The following PPARGC1A variants were observed in gnomAD, a reference collection of about 807,000 sequenced individuals.
PPARGC1A encodes PPARG coactivator 1 alpha, also known as peroxisome proliferator-activated receptor gamma coactivator 1-alpha.
PPARGC1A carries 25 observed loss-of-function variants against 88.7 expected under a neutral mutation model. The observed-to-expected ratio is 0.28, with a 90% CI of 0.21 to 0.39. PPARGC1A has a LOEUF of 0.39. PPARGC1A is among the 10% of genes least tolerant of loss of function. The pLI is 1.00. For synonymous variants in PPARGC1A, 363 were observed against 355.6 expected (o/e 1.02, Z -0.24); for missense variants, 880 against 968.7 (o/e 0.91, Z 1.22).
At chr4:23,972,488 C>T in the PPARGC1A span, among the ~76,000 whole-genome samples, 3 of 152,144 alleles carry the variant, frequency 2.0e-5, no homozygotes, top group Admixed American at 1.3e-4. Flanking sequence ...TAGTTTAACA[C>T]GTCCTTGATG....
the PPARGC1A span, among the ~76,000 whole-genome samples, chr4:24,427,472 G>C: frequency 1.3e-5 from 2 of 151,958 alleles, no homozygotes; most frequent in Admixed American, 6.5e-5. Flanking sequence ...GTAGAGAGGG[G>C]TTCCACCATG....
chr4:23,872,731 C>A (rs190000163), intron 2 of PPARGC1A, among the ~76,000 whole-genome samples: 36 of 152,184 alleles, frequency 2.4e-4, no homozygotes, highest in African/African-American at 8.7e-4. Context: ...CTGTATCCCC[C>A]TAAAATGGCC....
chr4:24,208,929 G>T, the PPARGC1A span, among the ~76,000 whole-genome samples: 1 of 151,922 alleles, frequency 6.6e-6, no homozygotes, highest in Non-Finnish European at 1.5e-5. Flanking sequence ...GAGGTAGAGG[G>T]AATTGTTCAA....
At chr4:24,264,096 TAAG>T in the PPARGC1A span, among the ~76,000 whole-genome samples, 8 of 152,064 alleles carry the variant, frequency 5.3e-5, no homozygotes, top group Non-Finnish European at 1.2e-4. Flanking sequence ...TACCTTATTG[TAAG>T]AATAAAGTAT....
the PPARGC1A span, among the ~76,000 whole-genome samples, chr4:24,154,799 T>C: frequency 2.0e-5 from 3 of 152,170 alleles, no homozygotes; most frequent in Admixed American, 2.0e-4. Context: ...GAGACGCAGA[T>C]GTAAAAACCA....
the PPARGC1A span, among the ~76,000 whole-genome samples, chr4:23,984,101 A>G: frequency 6.6e-6 from 1 of 152,082 alleles, no homozygotes; most frequent in African/African-American, 2.4e-5. Context: ...TTAGATTACA[A>G]AGTTATTATG....
chr4:23,898,211 G>A lies in PPARGC1A; in HGVS notation n.52+1056C>T, dbSNP rs1317098874. On this transcript the variant is annotated intron_variant and non_coding_transcript_variant, in intron 1 of 3. Coordinates refer to the PPARGC1A transcript ENST00000507342. ...ATATTCATGTAGGGTGTGGAGGGAGGAAAAAAGGTCATATGCCTAATATTT... is the reference window on the plus strand; with the variant it reads ...ATATTCATGTAGGGTGTGGAGGGAGAAAAAAAGGTCATATGCCTAATATTT... Among the ~76,000 whole-genome samples, 4 of 151,982 alleles carry A rather than the reference G, an allele frequency of 2.6e-5. No individual in the cohort carries two copies. In the East Asian group the frequency reaches 5.8e-4, roughly 22 times the overall value.
At chr4:24,444,772 G>C in the PPARGC1A span, among the ~76,000 whole-genome samples, 2 of 152,142 alleles carry the variant, frequency 1.3e-5, no homozygotes, top group Non-Finnish European at 2.9e-5. Context: ...AGAACAAAGA[G>C]ACAAAAGCCA....
chr4:24,304,684 C>T, the PPARGC1A span, among the ~76,000 whole-genome samples: 2 of 152,048 alleles, frequency 1.3e-5, no homozygotes, highest in African/African-American at 4.8e-5. Flanking sequence ...GTTTCACTGA[C>T]CGAATCAGGA....
upstream of PPARGC1A, among the ~76,000 whole-genome samples, chr4:23,905,143 C>T (rs1273352585): frequency 6.6e-6 from 1 of 152,154 alleles, no homozygotes; most frequent in African/African-American, 2.4e-5. Flanking sequence ...AGCAGCTTCC[C>T]ATTTTGAAAT....
chr4:24,242,914 T>C, the PPARGC1A span, among the ~76,000 whole-genome samples: 4 of 152,146 alleles, frequency 2.6e-5, no homozygotes, highest in African/African-American at 9.7e-5. Flanking sequence ...GAAAACAGTC[T>C]GTTTATTGGG....
At chr4:23,825,718 T>C (rs534745219) in intron 5 of PPARGC1A, among the ~76,000 whole-genome samples, 4 of 108,944 alleles carry the variant, frequency 3.7e-5, no homozygotes, top group African/African-American at 1.1e-4. Flanking sequence ...ATAAATAGTA[T>C]TTGCATATTT....
At chr4:23,830,727 T>C (rs1185223393) in intron 3 of PPARGC1A, among the ~76,000 whole-genome samples, 1 of 152,212 alleles carries the variant, frequency 6.6e-6, no homozygotes, top group Admixed American at 6.5e-5. Flanking sequence ...CATGTCCTTA[T>C]GTCTGATTTT....
chr4:24,178,403 T>C, the PPARGC1A span, among the ~76,000 whole-genome samples: 7 of 152,178 alleles, frequency 4.6e-5, no homozygotes, highest in Non-Finnish European at 8.8e-5. Flanking sequence ...GTTACTCAAA[T>C]GACATCATAA....
chr4:24,392,446 T>G, the PPARGC1A span, among the ~76,000 whole-genome samples: 1 of 152,106 alleles, frequency 6.6e-6, no homozygotes, highest in Non-Finnish European at 1.5e-5. Flanking sequence ...TCTTGAAAAA[T>G]ATACTGTGAA....
chr4:24,089,428 C>T, the PPARGC1A span, among the ~76,000 whole-genome samples: 1 of 152,070 alleles, frequency 6.6e-6, no homozygotes, highest in Non-Finnish European at 1.5e-5. Flanking sequence ...ACATACTTTC[C>T]ACCCAATGCC....
chr4:24,391,192 C>T, the PPARGC1A span, among the ~76,000 whole-genome samples: 1,367 of 152,216 alleles, frequency 9.0e-3, 22 homozygotes, highest in African/African-American at 0.032. Flanking sequence ...GTTTTATATA[C>T]ACACAAGAGT....
chr4:23,828,327 G>T, intron 5 of PPARGC1A, 73 bp downstream of exon 5: 1 of 1,458,584 alleles, frequency 6.9e-7, no homozygotes, highest in Non-Finnish European at 9.6e-7. Context: ...AAGTTGGTGT[G>T]TTCTCAGACT....
At chr4:24,135,761 A>G in the PPARGC1A span, among the ~76,000 whole-genome samples, 1 of 152,052 alleles carries the variant, frequency 6.6e-6, no homozygotes, top group East Asian at 1.9e-4. Context: ...CAGCAAATTT[A>G]TTTTGCCTTT....
Sources: gnomAD v4.1 joint callset for allele counts (sites outside exome capture counted in the v4.1 genomes callset) on GRCh38, gnomAD v4.1.1 for gene constraint, MANE v1.5 for transcripts, NCBI Gene and HGNC (gene_info 2026-07-23, HGNC 2026-07-21) for gene names.